TSHZ3: variants seen among roughly 807,000 people sequenced by gnomAD.
The protein encoded by TSHZ3 is teashirt zinc finger homeobox 3.
In TSHZ3, 10 loss-of-function variants were observed where a neutral mutation model predicts 64.5. The observed-to-expected ratio is 0.16, with a 90% CI of 0.10 to 0.26. The LOEUF is 0.26. Ranked by LOEUF, TSHZ3 falls within the 10% of genes least tolerant of loss-of-function variation. The pLI is 1.00. For missense variants in TSHZ3, 1,242 were observed against 1,421.7 expected (o/e 0.87, Z 2.03); for synonymous variants, 608 against 593.1 (o/e 1.03, Z -0.36).
Position 31,308,394 on chromosome 19 carries a change from G to T in TSHZ3, c.41-28642C>A, listed in dbSNP as rs914330621. ...GTGTCCTTAATCAAGTCATAATAAG[G>T]GAAAATGCGCTGGAACATTCCCCCG... On this transcript the variant is annotated intron_variant, in intron 1 of 1. Coordinates refer to ENST00000240587, the MANE Select transcript of TSHZ3 (RefSeq NM_020856.4). 26 of 362,630 alleles carry T rather than the reference G, an allele frequency of 7.2e-5. No homozygotes were observed. The Admixed American group carries it at 7.4e-4, about 10-fold the overall frequency. 22.5% of individuals were successfully genotyped at this position (362,630 alleles called of 1,614,324 possible). A position where few individuals can be genotyped will look rare whatever the true frequency, so the allele number is the denominator to read the frequency against.
In TSHZ3 at chr19:31,279,880, A is replaced by G. The variant is rs1976331975; in HGVS notation, c.41-128T>C. Reference sequence around the variant, plus strand: ...TACCTAGAATATGTTCTGGGCTCTCAGGAAAACACAGCAACCCAGATGGGT... The same window carrying G: ...TACCTAGAATATGTTCTGGGCTCTCGGGAAAACACAGCAACCCAGATGGGT... On this transcript the variant is annotated intron_variant, in intron 1 of 1. Coordinates refer to ENST00000240587, the MANE Select transcript of TSHZ3 (RefSeq NM_020856.4). The surrounding 1 kb of genome is among the most constrained non-coding windows in gnomAD (Gnocchi z 6.4). 1.4e-6 allele frequency: 1 copy of G among 736,346 alleles called. No individual in the cohort carries two copies. Among genetic ancestry groups the G allele is most frequent in the Admixed American group, 3.7e-5 (1 of 26,992 alleles). 45.6% of individuals were successfully genotyped at this position (736,346 alleles called of 1,614,324 possible). A position where few individuals can be genotyped will look rare whatever the true frequency, so the allele number is the denominator to read the frequency against.
chr19:31,151,768 G>A (rs1340673355), intron 6 of TSHZ3, among the ~76,000 whole-genome samples: 1 of 152,150 alleles, frequency 6.6e-6, no homozygotes, highest in African/African-American at 2.4e-5. Context: ...AGAGAGGGAA[G>A]AACAAAAATA....
At chr19:31,246,234 G>A (rs1433370353) in intron 1 of TSHZ3, among the ~76,000 whole-genome samples, 1 of 152,064 alleles carries the variant, frequency 6.6e-6, no homozygotes, top group African/African-American at 2.4e-5. Flanking sequence ...GGTGTATAAG[G>A]CTCAGAAAAA....
Position 31,223,118 on chromosome 19 carries a change from T to G in TSHZ3, n.686+4887A>C, listed in dbSNP as rs190343342. On this transcript the variant is annotated intron_variant and non_coding_transcript_variant, in intron 4 of 6. Transcript: ENST00000651361. ...CACACTGATGGAAGCCCTGTTTCTCTTGGACATCTGAGCCTGTAGATTTTT... is the reference window on the plus strand; with the variant it reads ...CACACTGATGGAAGCCCTGTTTCTCGTGGACATCTGAGCCTGTAGATTTTT... Among the ~76,000 whole-genome samples, 8 of 152,306 alleles carry G rather than the reference T, an allele frequency of 5.3e-5. No homozygotes were observed. In the East Asian group the frequency reaches 1.5e-3, roughly 29 times the overall value.
chr19:31,150,017 G>C (rs1240131625), exon 7 of TSHZ3, among the ~76,000 whole-genome samples: 2 of 152,150 alleles, frequency 1.3e-5, no homozygotes, highest in Non-Finnish European at 2.9e-5. Flanking sequence ...TAAGTAAGTG[G>C]ATTAGAGTCT....
intron 1 of TSHZ3, among the ~76,000 whole-genome samples, chr19:31,265,274 G>A (rs1159576825): frequency 6.6e-6 from 1 of 151,506 alleles, no homozygotes; most frequent in Non-Finnish European, 1.5e-5. Context: ...GTCCATGCCT[G>A]TAATCCCAGC....
chr19:31,228,785 T>C (rs1479467110), intron 3 of TSHZ3, among the ~76,000 whole-genome samples: 2 of 152,108 alleles, frequency 1.3e-5, no homozygotes, highest in Non-Finnish European at 2.9e-5. Context: ...CACAGAAGGA[T>C]TGTACATGGG....
At chr19:31,350,480 G>A (rs367560809), upstream of TSHZ3, among the ~76,000 whole-genome samples, 20 of 151,538 alleles carry the variant, frequency 1.3e-4, no homozygotes, top group East Asian at 3.4e-3. Context: ...AGGGCGGGAC[G>A]GGGGCGGGAG....
At position 31,313,787 on chromosome 19, in the gene TSHZ3, G is replaced by A. The variant is rs796153044; in HGVS notation, c.41-34035C>T. Among the ~76,000 whole-genome samples, 54 of 152,296 alleles carry A rather than the reference G, an allele frequency of 3.5e-4. 2 individuals are homozygous for A. Among genetic ancestry groups the A allele is most frequent in the African/African-American group, 1.2e-3 (50 of 41,558 alleles). ...CTCCTTGCCCTAGAAAGGCCCCATC[G>A]GAGCCAAGCCTTTCATAGCCATGCA... is the stretch of plus-strand genomic sequence containing the variant. On this transcript the variant is annotated intron_variant, in intron 1 of 1. Coordinates refer to ENST00000240587, the MANE Select transcript of TSHZ3 (RefSeq NM_020856.4).
chr19:31,183,870 C>T (rs937626532), intron 5 of TSHZ3, among the ~76,000 whole-genome samples: 6 of 152,046 alleles, frequency 3.9e-5, no homozygotes, highest in Non-Finnish European at 7.4e-5. Flanking sequence ...ATATTAGTGC[C>T]GAACAGTCAT....
chr19:31,215,877 A>G (rs1335356191), intron 4 of TSHZ3, among the ~76,000 whole-genome samples: 2 of 152,092 alleles, frequency 1.3e-5, no homozygotes, highest in Non-Finnish European at 2.9e-5. Flanking sequence ...TCTCAAAAAA[A>G]AAGGTATTAT....
intron 1 of TSHZ3, among the ~76,000 whole-genome samples, chr19:31,283,982 A>C (rs1486724184): frequency 6.6e-6 from 1 of 152,156 alleles, no homozygotes; most frequent in Non-Finnish European, 1.5e-5. Context: ...TCAGTAGCCC[A>C]GGGGTAGGCA....
At chr19:31,288,092 G>A (rs932129273) in intron 1 of TSHZ3, among the ~76,000 whole-genome samples, 8 of 151,988 alleles carry the variant, frequency 5.3e-5, no homozygotes, top group African/African-American at 9.7e-5. Context: ...TAGATACCTC[G>A]CCAGGATAAG....
chr19:31,308,472 G>A (rs908236757), intron 1 of TSHZ3: 1 of 390,986 alleles, frequency 2.6e-6, no homozygotes, highest in African/African-American at 2.1e-5. Context: ...CCACAGCTTG[G>A]GGACACAAGG....
intron 3 of TSHZ3, among the ~76,000 whole-genome samples, chr19:31,234,049 G>C (rs1019216328): frequency 6.6e-6 from 1 of 151,824 alleles, no homozygotes; most frequent in Non-Finnish European, 1.5e-5. Context: ...CCACTAACAG[G>C]ACATGTCTTT....
intron 1 of TSHZ3, among the ~76,000 whole-genome samples, chr19:31,284,527 C>T (rs1337089768): frequency 6.6e-6 from 1 of 152,164 alleles, no homozygotes; most frequent in Admixed American, 6.5e-5. Context: ...GCCCGGTTCC[C>T]CTCCAGCCCC....
intron 1 of TSHZ3, among the ~76,000 whole-genome samples, chr19:31,249,265 G>T (rs1975801108): frequency 6.6e-6 from 1 of 152,214 alleles, no homozygotes; most frequent in Non-Finnish European, 1.5e-5. Flanking sequence ...AGTAGGAAAA[G>T]CTAGGTGTCC....
chr19:31,283,514 T>C (rs1976401858), intron 1 of TSHZ3, among the ~76,000 whole-genome samples: 1 of 152,206 alleles, frequency 6.6e-6, no homozygotes, highest in Admixed American at 6.5e-5. Context: ...CAAATACGCA[T>C]CAAGCTGCCA....
intron 1 of TSHZ3, among the ~76,000 whole-genome samples, chr19:31,345,876 T>A (rs1296300891): frequency 6.6e-6 from 1 of 152,120 alleles, no homozygotes; most frequent in African/African-American, 2.4e-5. Context: ...ATAATGGTCA[T>A]TTTGCCTGAA....
Sources: allele counts gnomAD v4.1 joint callset (sites outside exome capture counted in the v4.1 genomes callset), GRCh38; gene constraint gnomAD v4.1.1; non-coding constraint Gnocchi (gnomAD v3.1); transcripts MANE v1.5; gene names NCBI Gene and HGNC (gene_info 2026-07-23, HGNC 2026-07-21).